The following CPM variants were observed in gnomAD, a reference collection of about 807,000 sequenced individuals.
CPM encodes the protein carboxypeptidase M.
A neutral mutation model predicts 46.4 loss-of-function variants in CPM; 35 were observed. That is an observed-to-expected ratio of 0.75 (90% CI 0.58 to 1.00). The LOEUF (loss-of-function observed/expected upper bound fraction) is 1.00, where lower values mean the gene tolerates loss of function less well. CPM is among the 50% of genes least tolerant of loss of function. The pLI is 0.00. For missense variants in CPM, 422 were observed against 530.4 expected (o/e 0.80, Z 2.01); for synonymous variants, 195 against 195.3 (o/e 1.00, Z 0.01).
chr12:68,918,402 C>T lies in CPM; in HGVS notation c.160+14276G>A, dbSNP rs191094768. Among the ~76,000 whole-genome samples the T allele has an allele frequency of 7.0e-4, 107 of 152,282 alleles. 1 individual carries two copies. The highest frequency in any genetic ancestry group is 1.3e-3 in the Non-Finnish European group (91 of 68,022). On this transcript the variant is annotated intron_variant, in intron 2 of 8. Transcript: ENST00000551568. ...CTTGAGCTCCACTTATATACCCAAC[C>T]GTCTCCACTGGATACCTCCTGAGGA...
chr12:68,950,187 A>G (rs1277774437), intron 1 of CPM, among the ~76,000 whole-genome samples: 15 of 152,234 alleles, frequency 9.9e-5, no homozygotes, highest in Non-Finnish European at 1.6e-4. Context: ...ACTGCTGTGT[A>G]GAAAAAGGTT....
chr12:68,843,368 T>C (rs1883974562), intron 5 of CPM: 1 of 231,120 alleles, frequency 4.3e-6, no homozygotes, highest in South Asian at 1.8e-4. Context: ...ATAAATGATA[T>C]TTGAGCTGAT....
At chr12:68,935,254 GTTTGTTTGTTTGT>G (rs1355091653), upstream of CPM, among the ~76,000 whole-genome samples, 28 of 132,988 alleles carry the variant, frequency 2.1e-4, no homozygotes, top group African/African-American at 1.1e-3. Flanking sequence ...TTGTTTGTTT[GTTTGTTTGTTTGT>G]TTGTTTGTTT....
intron 3 of CPM, among the ~76,000 whole-genome samples, chr12:68,882,767 GATGATATCTC>G (rs1886251787): frequency 6.6e-6 from 1 of 152,134 alleles, no homozygotes; most frequent in African/African-American, 2.4e-5. Context: ...ACTGGTATGA[GATGATATCTC>G]ATTGTGGTTT....
At chr12:68,938,155 T>G (rs925469645), upstream of CPM, among the ~76,000 whole-genome samples, 1 of 152,204 alleles carries the variant, frequency 6.6e-6, no homozygotes, top group East Asian at 1.9e-4. Context: ...TTTGTGACTT[T>G]CAAACTTTTT....
intron 2 of CPM, among the ~76,000 whole-genome samples, chr12:68,888,569 T>C (rs1303098762): frequency 6.6e-6 from 1 of 152,236 alleles, no homozygotes; most frequent in Non-Finnish European, 1.5e-5. Flanking sequence ...GACAAACTAT[T>C]TACTTTTCAC....
At chr12:68,846,882 T>C (rs1418519659), downstream of CPM, 1 of 152,030 alleles carries the variant, frequency 6.6e-6, no homozygotes, top group African/African-American at 2.4e-5. Flanking sequence ...AGTAAGCACT[T>C]TTAATGAATG....
chr12:68,852,293 T>G lies in CPM; in HGVS notation c.*4144A>C, dbSNP rs1243737280. 1 of 152,202 alleles carries G rather than the reference T, an allele frequency of 6.6e-6. No homozygotes were observed. Among genetic ancestry groups the G allele is most frequent in the East Asian group, 1.9e-4 (1 of 5,204 alleles). 9.4% of individuals were successfully genotyped at this position (152,202 alleles called of 1,614,324 possible). A position where few individuals can be genotyped will look rare whatever the true frequency, so the allele number is the denominator to read the frequency against. On this transcript the variant is annotated 3_prime_UTR_variant, in exon 9 of 9. Transcript: ENST00000551568. ...CTAAAATACTCTTTGCCATTTAGAT[T>G]CAATCATGTCAACATTTACCAACAT...
chr12:68,901,486 C>T (rs1887110392), intron 2 of CPM, among the ~76,000 whole-genome samples: 1 of 152,180 alleles, frequency 6.6e-6, no homozygotes, highest in African/African-American at 2.4e-5. Flanking sequence ...TGTAAACTCT[C>T]CAAAACCTGG....
chr12:68,856,805 T>G, intron 8 of CPM, 126 bp from the exon 9 acceptor site: 1 of 1,256,642 alleles, frequency 8.0e-7, no homozygotes, highest in Non-Finnish European at 1.1e-6. Context: ...CTACCAGACC[T>G]CTGGGCCAGC....
chr12:68,910,451 T>C lies in CPM; in HGVS notation c.160+22227A>G, dbSNP rs569471265. Reference sequence around the variant, plus strand: ...ACAATATATTCTGGACATCCTCCCATGTCAAAACATATAAATCTACCTAAT... The same window carrying C: ...ACAATATATTCTGGACATCCTCCCACGTCAAAACATATAAATCTACCTAAT... On this transcript the variant is annotated intron_variant, in intron 2 of 8. Transcript: ENST00000551568. Among the ~76,000 whole-genome samples, 14 of 152,304 alleles carry C rather than the reference T, an allele frequency of 9.2e-5. No individual in the cohort carries two copies. In the South Asian group the frequency reaches 2.9e-3, roughly 32 times the overall value.
At chr12:68,914,978 GTAGC>G (rs778503907) in intron 2 of CPM, among the ~76,000 whole-genome samples, 10 of 152,166 alleles carry the variant, frequency 6.6e-5, no homozygotes, top group Non-Finnish European at 1.5e-4. Flanking sequence ...ATATGGATAA[GTAGC>G]TAGTACACAG....
intron 1 of CPM, among the ~76,000 whole-genome samples, chr12:68,947,461 G>T (rs1050145229): frequency 2.6e-5 from 4 of 151,930 alleles, no homozygotes; most frequent in Non-Finnish European, 5.9e-5. Flanking sequence ...GCCAGGCATG[G>T]TGGCATGCAC....
intron 1 of CPM, among the ~76,000 whole-genome samples, chr12:68,938,316 T>A (rs1037764444): frequency 1.3e-5 from 2 of 151,926 alleles, no homozygotes; most frequent in African/African-American, 4.8e-5. Context: ...GCAGGAGGAT[T>A]GCTTGACCCC....
At chr12:68,911,873 G>T (rs1887608569) in intron 2 of CPM, 1 of 152,146 alleles carries the variant, frequency 6.6e-6, no homozygotes, top group Admixed American at 6.6e-5. Flanking sequence ...CAGGCAATCT[G>T]TGTTCTTCGG....
Position 68,870,438 on chromosome 12 carries a change from C to T in CPM, c.432-39G>A, listed in dbSNP as rs183380409. 12 of 1,562,762 alleles carry T rather than the reference C, an allele frequency of 7.7e-6. No individual in the cohort carries two copies. The East Asian group carries it at 2.5e-4, about 32-fold the overall frequency. ...AATATTTTAGGGCTTATTGATAGGGCATGAGGGAGTGGATTCTTACAGTGT... is the reference window on the plus strand; with the variant it reads ...AATATTTTAGGGCTTATTGATAGGGTATGAGGGAGTGGATTCTTACAGTGT... On this transcript the variant is annotated intron_variant, in intron 4 of 8. Coordinates refer to ENST00000551568, the MANE Select transcript of CPM (RefSeq NM_198320.5).
chr12:68,956,858 T>G (rs41392744), intron 1 of CPM, among the ~76,000 whole-genome samples: 25,185 of 152,194 alleles, frequency 0.17, 2,194 homozygotes, highest in Middle Eastern at 0.2. Flanking sequence ...GCGATAAATA[T>G]GGCTTAGCTT....
Position 68,916,970 on chromosome 12 carries a change from T to C in CPM, c.160+15708A>G, listed in dbSNP as rs76605602. 9.9e-3 allele frequency among the ~76,000 whole-genome samples: 1,512 copies of C among 152,108 alleles called. 22 individuals are homozygous for C. Among genetic ancestry groups the C allele is most frequent in the African/African-American group, 0.034 (1,418 of 41,454 alleles). ...TAACTGTAAAATTATCAGAAATTTTTCAATCAAGAAAACAAATCTGTCATT... is the reference window on the plus strand; with the variant it reads ...TAACTGTAAAATTATCAGAAATTTTCCAATCAAGAAAACAAATCTGTCATT... On this transcript the variant is annotated intron_variant, in intron 2 of 8. Transcript: ENST00000551568.
At chr12:68,939,297 T>C (rs1231666396) in intron 1 of CPM, among the ~76,000 whole-genome samples, 6 of 147,806 alleles carry the variant, frequency 4.1e-5, no homozygotes, top group Non-Finnish European at 3.0e-5. Flanking sequence ...ATAGTATATG[T>C]ATTATGTGTA....
Sources: gnomAD v4.1 joint callset for allele counts (sites outside exome capture counted in the v4.1 genomes callset) on GRCh38, gnomAD v4.1.1 for gene constraint, MANE v1.5 for transcripts, NCBI Gene and HGNC (gene_info 2026-07-23, HGNC 2026-07-21) for gene names.